Variants in UGGT1 observed in about 807,000 individuals in gnomAD.
UGGT1 encodes UDP-glucose glycoprotein glucosyltransferase 1.
UGGT1 carries 107 observed loss-of-function variants against 203.9 expected under a neutral mutation model. That is an observed-to-expected ratio of 0.52 (90% CI 0.45 to 0.62). The LOEUF is 0.62. UGGT1 is among the 20% of genes least tolerant of loss of function. UGGT1 has a pLI of 0.00. For synonymous variants in UGGT1, 628 were observed against 653.5 expected (o/e 0.96, Z 0.59); for missense variants, 1,673 against 1,867.2 (o/e 0.90, Z 1.92).
At chr2:128,151,377 T>C in intron 18 of UGGT1, 1 of 406,566 alleles carries the variant, frequency 2.5e-6, no homozygotes, top group African/African-American at 2.1e-5. Context: ...TTAAAATTTT[T>C]ATAGACTTTG....
chr2:128,102,725 G>A (rs1687435759), intron 2 of UGGT1, among the ~76,000 whole-genome samples: 1 of 152,122 alleles, frequency 6.6e-6, no homozygotes, highest in South Asian at 2.1e-4. Flanking sequence ...TTCGTGTGTG[G>A]CCTTTACTGG....
chr2:128,186,598 C>T (rs1056660787), intron 38 of UGGT1, 85 bp from the exon 39 acceptor site: 1 of 1,119,496 alleles, frequency 8.9e-7, no homozygotes, highest in African/African-American at 1.6e-5. Context: ...CAGAGTGGGA[C>T]CCCATCTCTC....
chr2:128,183,859 T>C, intron 38 of UGGT1, 70 bp downstream of exon 38: 1 of 1,234,214 alleles, frequency 8.1e-7, no homozygotes, highest in Non-Finnish European at 1.2e-6. Context: ...AATGAAGTAT[T>C]ACTTGTGTCT....
intron 8 of UGGT1, among the ~76,000 whole-genome samples, chr2:128,117,324 A>G (rs113342892): frequency 0.13 from 20,421 of 152,204 alleles, 1,504 homozygotes; most frequent in Non-Finnish European, 0.17. Context: ...TCCTGGCCTC[A>G]AGTGGTCTGC....
chr2:128,169,399 C>T (rs1350642333), intron 26 of UGGT1, among the ~76,000 whole-genome samples: 3 of 123,012 alleles, frequency 2.4e-5, no homozygotes, highest in Non-Finnish European at 5.4e-5. Context: ...AAAGAACAGG[C>T]AAAATATCTA....
At position 128,121,437 on chromosome 2, in the gene UGGT1, C is replaced by T. The variant is rs1688377143; in HGVS notation, c.1073+139C>T. 8.6e-6 allele frequency: 5 copies of T among 580,124 alleles called. No individual in the cohort carries two copies. In the Admixed American group the frequency reaches 1.6e-4, roughly 19 times the overall value. The allele number at this position is 580,124 out of a possible 1,614,324, so 35.9% of individuals were successfully genotyped here. A position where few individuals can be genotyped will look rare whatever the true frequency, so the allele number is the denominator to read the frequency against. Reference sequence around the variant, plus strand: ...TTTTTTTTTTTGAGATGGAGTCTCACTCTTGTTGCCGAGGCTAGAGTGCAG... The same window carrying T: ...TTTTTTTTTTTGAGATGGAGTCTCATTCTTGTTGCCGAGGCTAGAGTGCAG... On this transcript the variant is annotated intron_variant, in intron 10 of 40. Transcript: ENST00000259253.
intron 17 of UGGT1, among the ~76,000 whole-genome samples, chr2:128,143,617 GCT>G (rs1689542227): frequency 6.6e-6 from 1 of 152,164 alleles, no homozygotes; most frequent in Non-Finnish European, 1.5e-5. Flanking sequence ...TCTTGATTGT[GCT>G]GAAAAATTGA....
At chr2:128,187,760 C>A in intron 40 of UGGT1, 146 bp downstream of exon 40, 4 of 932,844 alleles carry the variant, frequency 4.3e-6, no homozygotes, top group Non-Finnish European at 4.4e-6. Flanking sequence ...ATATATTTTT[C>A]ATTTTCCTTT....
intron 25 of UGGT1, among the ~76,000 whole-genome samples, chr2:128,164,377 A>T (rs1485786512): frequency 6.6e-6 from 1 of 152,200 alleles, no homozygotes; most frequent in Non-Finnish European, 1.5e-5. Flanking sequence ...TTTTCCAGTG[A>T]ATTATTACTC....
chr2:128,146,507 A>G (rs886175552), intron 18 of UGGT1, among the ~76,000 whole-genome samples: 9 of 152,072 alleles, frequency 5.9e-5, no homozygotes, highest in Admixed American at 3.3e-4. Flanking sequence ...CATTTATTCT[A>G]TTTGTAGGGA....
chr2:128,133,175 A>C lies in UGGT1; in HGVS notation c.1412A>C (p.Asn471Thr), dbSNP rs1485620659. The part of the protein sequence containing the change: ...VNNLEVDSRY[N>T]SWPSSLQELL... ...AACCTGGAGGTTGATAGCAGATATAATTCGTGGCCTTCTAGTTTACAAGAG... is the reference window on the plus strand; with the variant it reads ...AACCTGGAGGTTGATAGCAGATATACTTCGTGGCCTTCTAGTTTACAAGAG... The change falls in exon 14 of 41, where the codon AAT becomes ACT. Residue 471 changes from asparagine to threonine, a missense_variant. Physicochemically the swap from Asn to Thr is moderately conservative, Grantham distance 65. Coordinates refer to ENST00000259253, the MANE Select transcript of UGGT1 (RefSeq NM_020120.4). 12 of 1,614,006 alleles carry C rather than the reference A, an allele frequency of 7.4e-6. No homozygotes were observed. The highest frequency in any genetic ancestry group is 1.0e-5 in the Non-Finnish European group (12 of 1,179,986).
intron 2 of UGGT1, among the ~76,000 whole-genome samples, chr2:128,101,499 ATAT>A (rs1315990840): frequency 2.6e-5 from 4 of 152,232 alleles, no homozygotes; most frequent in African/African-American, 4.8e-5. Context: ...AGCTACAGAA[ATAT>A]TATATAAGGA....
At chr2:128,169,228 C>T (rs1458401136) in intron 26 of UGGT1, among the ~76,000 whole-genome samples, 3 of 149,576 alleles carry the variant, frequency 2.0e-5, no homozygotes, top group Non-Finnish European at 3.0e-5. Flanking sequence ...TAAATTAGCC[C>T]GGCATGGTGG....
chr2:128,156,454 C>G, intron 21 of UGGT1, 39 bp downstream of exon 21: 1 of 1,508,438 alleles, frequency 6.6e-7, no homozygotes, highest in Non-Finnish European at 9.2e-7. Context: ...TCTTAATTTT[C>G]TTCTTTGGTT....
chr2:128,188,913 G>A (rs745939634), intron 40 of UGGT1, among the ~76,000 whole-genome samples: 1 of 152,206 alleles, frequency 6.6e-6, no homozygotes, highest in Non-Finnish European at 1.5e-5. Context: ...AGGTTATATA[G>A]TAACCATAAA....
intron 2 of UGGT1, among the ~76,000 whole-genome samples, chr2:128,098,605 C>CT (rs1162805706): frequency 3.3e-5 from 5 of 152,060 alleles, no homozygotes; most frequent in African/African-American, 1.2e-4. Context: ...AAAAAAATAG[C>CT]TGAGTGTGGT....
chr2:128,128,591 C>T (rs986720683), intron 12 of UGGT1, among the ~76,000 whole-genome samples: 4 of 152,184 alleles, frequency 2.6e-5, no homozygotes, highest in African/African-American at 4.8e-5. Flanking sequence ...GGATTACAGG[C>T]ATGAGCCACC....
chr2:128,131,315 A>G (rs1241286680), intron 13 of UGGT1, among the ~76,000 whole-genome samples: 1 of 150,196 alleles, frequency 6.7e-6, no homozygotes, highest in Non-Finnish European at 1.5e-5. Context: ...GCACTTTGGG[A>G]GGCCGTGGTG....
At position 128,159,151 on chromosome 2, in the gene UGGT1, G is replaced by A. The variant is rs1317589194; in HGVS notation, c.2356-363G>A. Among the ~76,000 whole-genome samples, 3 of 145,596 alleles carry A rather than the reference G, an allele frequency of 2.1e-5. No individual in the cohort carries two copies. The East Asian group carries it at 6.2e-4, about 30-fold the overall frequency. ...GTCTTACTCTGTCATCCAGGCTGGA[G>A]TGCAGTGGTGTGATCTTGGCTCAGT... On this transcript the variant is annotated intron_variant, in intron 22 of 40. Coordinates refer to ENST00000259253, the MANE Select transcript of UGGT1 (RefSeq NM_020120.4).
Sources: allele counts gnomAD v4.1 joint callset (sites outside exome capture counted in the v4.1 genomes callset), GRCh38; gene constraint gnomAD v4.1.1; transcripts MANE v1.5; gene names NCBI Gene and HGNC (gene_info 2026-07-23, HGNC 2026-07-21).